The following IGF2R variants were observed in gnomAD, a reference collection of about 807,000 sequenced individuals.
IGF2R encodes insulin like growth factor 2 receptor.
Under a neutral mutation model 270.6 loss-of-function variants are expected in IGF2R, and 91 were observed. The observed-to-expected ratio is 0.34, with a 90% CI of 0.28 to 0.40. The LOEUF is 0.40. Ranked by LOEUF, IGF2R falls within the 10% of genes least tolerant of loss-of-function variation. The pLI, the probability that IGF2R is intolerant of heterozygous loss-of-function variation, is 1.00. For missense variants in IGF2R, 2,805 were observed against 3,188.3 expected, an observed-to-expected ratio of 0.88 and a Z score of 2.90; for synonymous variants, 1,316 against 1,258.9, an observed-to-expected ratio of 1.05 and a Z score of -0.96.
chr6:160,043,985 CAG>C (rs1176686334), intron 12 of IGF2R, among the ~76,000 whole-genome samples: 2 of 152,150 alleles, frequency 1.3e-5, no homozygotes, highest in African/African-American at 4.8e-5. Flanking sequence ...GACTTTGGAA[CAG>C]AGTTTTAATC....
At chr6:160,052,006 C>T (rs1778208863) in intron 19 of IGF2R, among the ~76,000 whole-genome samples, 1 of 151,352 alleles carries the variant, frequency 6.6e-6, no homozygotes, top group African/African-American at 2.4e-5. Context: ...GCCCAGGAGT[C>T]TCAGACTAGC....
Position 160,079,584 on chromosome 6 carries a change from C to A in IGF2R, c.5483C>A (p.Thr1828Asn). Residue 1828 changes from threonine (T) to asparagine (N), a missense_variant, in exon 38 of 48, where the codon ACT becomes AAT. This residue lies in a region of IGF2R where 1,851 missense variants were observed against 2,207.2 expected (regional missense o/e 0.84). Coordinates refer to ENST00000356956, the MANE Select transcript of IGF2R (RefSeq NM_000876.4). Reference sequence around the variant, plus strand: ...CCACGCATGGTTTTTGTCCAGGTGACTCGCGACTCGCGCACCTACAGCGTT... The same window carrying A: ...CCACGCATGGTTTTTGTCCAGGTGAATCGCGACTCGCGCACCTACAGCGTT... ...SSLSTSTFKV[T>N]RDSRTYSVGV... The A allele has an allele frequency of 7.0e-7, 1 of 1,432,468 alleles. No individual in the cohort carries two copies. The allele number at this position is 1,432,468 out of a possible 1,614,324, so 88.7% of individuals were successfully genotyped here.
chr6:160,067,414 T>A (rs921784448), intron 29 of IGF2R, among the ~76,000 whole-genome samples: 3 of 152,200 alleles, frequency 2.0e-5, no homozygotes, highest in African/African-American at 7.2e-5. Context: ...CCTTCAGCTC[T>A]TACTTCCATC....
intron 32 of IGF2R, 55 bp downstream of exon 32, chr6:160,072,091 C>A (rs1209271910): frequency 6.8e-6 from 11 of 1,608,376 alleles, no homozygotes; most frequent in Non-Finnish European, 9.3e-6. Context: ...GGTGCCCCCA[C>A]CAAACCCAGC....
chr6:160,000,728 G>GTTTTTTTTTTTTTTTTT lies in IGF2R; in HGVS notation c.290-8273_290-8257dup, dbSNP rs59215791. Reference sequence around the variant, plus strand: ...GGAAGATAATAGTTGGTGTGAGGTTGTTTTTTTTTTTTTTTTTTTTTTTTT... The same window carrying GTTTTTTTTTTTTTTTTT: ...GGAAGATAATAGTTGGTGTGAGGTTGTTTTTTTTTTTTTTTTTTTTTTTTTTTTTTTTTTTTTTTTTT... On this transcript the variant is annotated intron_variant, in intron 2 of 47. Transcript: ENST00000356956. 2.1e-4 allele frequency among the ~76,000 whole-genome samples: 15 copies of GTTTTTTTTTTTTTTTTT among 69,962 alleles called. 1 individual carries two copies. Among genetic ancestry groups the GTTTTTTTTTTTTTTTTT allele is most frequent in the African/African-American group, 8.4e-4 (14 of 16,728 alleles). The allele number at this position is 69,962 out of a possible 152,430, so 45.9% of individuals were successfully genotyped here.
In IGF2R at chr6:160,060,716, C is replaced by T. The variant is rs200718966; in HGVS notation, c.3261C>T (p.Thr1087=). Residue 1087 remains threonine, a splice_region_variant and synonymous_variant, in exon 23 of 48, where the codon ACC becomes ACT. Transcript: ENST00000356956. Reference sequence around the variant, plus strand: ...CTTCTCCAGTGGACTGCCAAGTCACCGGTAAGGCCGTGCGGCCTAAGAACT... The same window carrying T: ...CTTCTCCAGTGGACTGCCAAGTCACTGGTAAGGCCGTGCGGCCTAAGAACT... ...CVPSPVDCQV[T]DLAGNEYDLT... is the part of the protein sequence containing the mutation. 5.0e-5 allele frequency: 80 copies of T among 1,614,030 alleles called. No individual in the cohort carries two copies. The highest frequency in any genetic ancestry group is 1.1e-4 in the African/African-American group (8 of 74,908).
At position 160,068,466 on chromosome 6, in the gene IGF2R, G is replaced by A. The variant is rs1778641080; in HGVS notation, c.4252+81G>A. The A allele has an allele frequency of 7.6e-6, 12 of 1,573,704 alleles. No individual in the cohort carries two copies. In the South Asian group the frequency reaches 1.3e-4, roughly 17 times the overall value. On this transcript the variant is annotated intron_variant, in intron 30 of 47. Coordinates refer to ENST00000356956, the MANE Select transcript of IGF2R (RefSeq NM_000876.4). The stretch of plus-strand genomic sequence containing the variant: ...CACTGGTGAGAGGGGGCCTCCTCGT[G>A]GGGTGGTGGTTGTAGTGAGTGTATC...
At chr6:159,969,479 C>T in intron 1 of IGF2R, 84 bp downstream of exon 1, 1 of 1,001,450 alleles carries the variant, frequency 1.0e-6, no homozygotes, top group East Asian at 4.5e-5. Flanking sequence ...GCTCGAGGAG[C>T]TCCTGGGGTC....
intron 35 of IGF2R, 47 bp downstream of exon 35, chr6:160,074,022 T>C (rs759371242): frequency 7.2e-6 from 10 of 1,386,066 alleles, no homozygotes; most frequent in Admixed American, 5.8e-5. Context: ...GCAAGACTTT[T>C]AGTGATAACC....
At chr6:160,088,578 AG>A (rs1779145915) in intron 42 of IGF2R, among the ~76,000 whole-genome samples, 1 of 152,180 alleles carries the variant, frequency 6.6e-6, no homozygotes. Flanking sequence ...ATCTGGTGCC[AG>A]GGAGAGCTTG....
At chr6:160,027,162 T>TTAATGTAATACATGA (rs775130568) in intron 5 of IGF2R, 23 bp from the exon 6 acceptor site, 1 of 1,613,996 alleles carries the variant, frequency 6.2e-7, no homozygotes, top group Non-Finnish European at 8.5e-7. Context: ...CTAATCTGAT[T>TTAATGTAATACATGA]TAATGTAATA....
In IGF2R at chr6:160,092,802, CG is replaced by C. The variant is rs141756519; in HGVS notation, c.6655+2700del. On this transcript the variant is annotated intron_variant, in intron 44 of 47. Coordinates refer to ENST00000356956, the MANE Select transcript of IGF2R (RefSeq NM_000876.4). Reference sequence around the variant, plus strand: ...GGCCCCATCTGTGTGTGGACATGTCCGTCTCCTACCCTGCACTCTCGCCTCT... The same window carrying C: ...GGCCCCATCTGTGTGTGGACATGTCCTCTCCTACCCTGCACTCTCGCCTCT... Among the ~76,000 whole-genome samples, 938 of 152,318 alleles carry C rather than the reference CG, an allele frequency of 6.2e-3. 6 individuals are homozygous for C. The highest frequency in any genetic ancestry group is 0.022 in the African/African-American group (896 of 41,550).
At position 160,027,193 on chromosome 6, in the gene IGF2R, C is replaced by G. The variant is rs770798433; in HGVS notation, c.655C>G (p.Arg219Gly). 6.2e-7 allele frequency: 1 copy of G among 1,614,200 alleles called. No homozygotes were observed. The highest frequency in any genetic ancestry group is 8.5e-7 in the Non-Finnish European group (1 of 1,180,006). The part of the protein sequence containing the change: ...INVCRDIDTL[R>G]DPGSQLRACP... ...TAATACATGATTTTCAGACACACTA[C>G]GAGACCCAGGTTCACAGCTGCGGGC... Residue 219 changes from arginine to glycine, a missense_variant, in exon 6 of 48, where the codon CGA (arginine) becomes GGA (glycine). Physicochemically the swap from Arg to Gly is moderately radical, Grantham distance 125. Around this residue, in one of 2 missense-constraint regions of IGF2R, gnomAD observed 954 missense variants for 981.1 expected, o/e 0.97. Coordinates refer to ENST00000356956, the MANE Select transcript of IGF2R (RefSeq NM_000876.4).
intron 45 of IGF2R, among the ~76,000 whole-genome samples, chr6:160,098,893 T>C (rs546373682): frequency 6.6e-6 from 1 of 152,370 alleles, no homozygotes; most frequent in South Asian, 2.1e-4. Flanking sequence ...TTAGTTCTTT[T>C]AGCTATTTCT....
At chr6:160,098,173 G>A (rs574902342) in intron 45 of IGF2R, among the ~76,000 whole-genome samples, 40 of 152,242 alleles carry the variant, frequency 2.6e-4, no homozygotes, top group Admixed American at 7.9e-4. Context: ...TGGGTTTGAG[G>A]GACCAGGCCA....
chr6:159,974,744 G>A (rs1248744809), intron 1 of IGF2R, among the ~76,000 whole-genome samples: 2 of 152,058 alleles, frequency 1.3e-5, no homozygotes, highest in African/African-American at 4.8e-5. Flanking sequence ...AAATAAAAAT[G>A]TCTCCAGGCA....
chr6:159,988,805 C>T (rs1783931277), intron 1 of IGF2R, among the ~76,000 whole-genome samples: 1 of 152,144 alleles, frequency 6.6e-6, no homozygotes. Flanking sequence ...GGAATATACA[C>T]TCCGAGAGGG....
At chr6:159,996,837 T>A (rs1784061248) in intron 2 of IGF2R, among the ~76,000 whole-genome samples, 1 of 152,180 alleles carries the variant, frequency 6.6e-6, no homozygotes, top group South Asian at 2.1e-4. Flanking sequence ...TGGGTCCGTG[T>A]AGAGAGGGTG....
At chr6:160,079,103 C>T (rs1256721031) in intron 37 of IGF2R, among the ~76,000 whole-genome samples, 1 of 152,196 alleles carries the variant, frequency 6.6e-6, no homozygotes, top group African/African-American at 2.4e-5. Flanking sequence ...ATGGAGCCCT[C>T]TGCCTGGGTA....
Sources: gnomAD v4.1 joint callset for allele counts (sites outside exome capture counted in the v4.1 genomes callset) on GRCh38, gnomAD v4.1.1 for gene constraint, gnomAD v4.1.1 regional missense constraint, MANE v1.5 for transcripts, NCBI Gene and HGNC (gene_info 2026-07-23, HGNC 2026-07-21) for gene names.